CALCRL: variants seen among roughly 807,000 people sequenced by gnomAD.
CALCRL encodes calcitonin gene-related peptide type 1 receptor.
CALCRL carries 27 observed loss-of-function variants against 60.4 expected under a neutral mutation model. That is an observed-to-expected ratio of 0.45 (90% confidence interval 0.33 to 0.62). The LOEUF (loss-of-function observed/expected upper bound fraction) is 0.62, where lower values mean the gene tolerates loss of function less well. Ranked by LOEUF, CALCRL falls within the 20% of genes least tolerant of loss-of-function variation. The pLI, the probability that CALCRL is intolerant of heterozygous loss-of-function variation, is 0.03. For missense variants in CALCRL, 424 were observed against 540.7 expected, an observed-to-expected ratio of 0.78 and a Z score of 2.14; for synonymous variants, 190 against 182.6, an observed-to-expected ratio of 1.04 and a Z score of -0.33.
At chr2:187,417,330 A>G (rs1323450620) in intron 1 of CALCRL, among the ~76,000 whole-genome samples, 1 of 152,120 alleles carries the variant, frequency 6.6e-6, no homozygotes, top group East Asian at 1.9e-4. Context: ...AAGAAATACT[A>G]AAAGCATCAA....
chr2:187,343,608 G>T lies in CALCRL; in HGVS notation c.*2576C>A, dbSNP rs1686168461. On this transcript the variant is annotated 3_prime_UTR_variant, in exon 15 of 15. Coordinates refer to ENST00000392370, the MANE Select transcript of CALCRL (RefSeq NM_005795.6). ...GGAAATTAACTTTAGGAAATAAAAT[G>T]ACAAATTAGAATTTAGAAAATTAAA... 6.6e-6 allele frequency: 1 copy of T among 151,668 alleles called. No individual in the cohort carries two copies. Among genetic ancestry groups the T allele is most frequent in the Non-Finnish European group, 1.5e-5 (1 of 67,518 alleles). 9.4% of individuals were successfully genotyped at this position (151,668 alleles called of 1,614,324 possible).
In CALCRL at chr2:187,359,080, T is replaced by C. The variant is rs1469505838; in HGVS notation, c.892A>G (p.Ile298Val). 3.1e-6 allele frequency: 5 copies of C among 1,612,488 alleles called. No homozygotes were observed. The highest frequency in any genetic ancestry group is 1.3e-5 in the African/African-American group (1 of 74,818). The change falls in exon 12 of 15, where the codon ATT becomes GTT. Residue 298 changes from isoleucine to valine, a missense_variant. Ile to Val is a conservative substitution (Grantham distance 29). Around this residue, in one of 7 missense-constraint regions of CALCRL, gnomAD observed 222 missense variants for 265.6 expected, o/e 0.84. Coordinates refer to ENST00000392370, the MANE Select transcript of CALCRL (RefSeq NM_005795.6). ...TTACATACCAGTAAAGCAGCACAAA[T>C]TGGGCCATGGATAATGTAGAGGAGA... The part of the protein sequence containing the change: ...THLLYIIHGP[I>V]CAALLVNLFF...
intron 1 of CALCRL, among the ~76,000 whole-genome samples, chr2:187,411,847 T>G (rs1239104612): frequency 6.6e-6 from 1 of 151,426 alleles, no homozygotes; most frequent in African/African-American, 2.4e-5. Context: ...ATACAAAAAA[T>G]TAGCCAGGCG....
intron 1 of CALCRL, among the ~76,000 whole-genome samples, chr2:187,443,020 G>T (rs1355521): frequency 6.6e-6 from 1 of 151,456 alleles, no homozygotes; most frequent in African/African-American, 2.4e-5. Flanking sequence ...GTAAAGAAAC[G>T]CAATAATTTT....
intron 14 of CALCRL, among the ~76,000 whole-genome samples, chr2:187,348,211 T>C (rs2105685349): frequency 6.6e-6 from 1 of 151,820 alleles, no homozygotes; most frequent in Admixed American, 6.6e-5. Flanking sequence ...CTCAAGATCA[T>C]GAGCAAACTA....
chr2:187,354,030 T>G (rs181235061), intron 12 of CALCRL, among the ~76,000 whole-genome samples: 11 of 152,030 alleles, frequency 7.2e-5, no homozygotes, highest in Non-Finnish European at 1.6e-4. Context: ...AACATAGTTT[T>G]GAGAATTATA....
At chr2:187,386,700 A>AAAATATAATATTCATT (rs1688218212) in intron 3 of CALCRL, among the ~76,000 whole-genome samples, 3 of 151,814 alleles carry the variant, frequency 2.0e-5, no homozygotes, top group Non-Finnish European at 2.9e-5. Flanking sequence ...GGATGTAGCC[A>AAAATATAATATTCATT]TAACTAAATG....
At chr2:187,398,547 T>G (rs930445190) in intron 1 of CALCRL, among the ~76,000 whole-genome samples, 3 of 151,540 alleles carry the variant, frequency 2.0e-5, no homozygotes, top group African/African-American at 7.3e-5. Flanking sequence ...AAATGAACCT[T>G]TTTCCCTATA....
chr2:187,350,650 T>A (rs1686489707), intron 14 of CALCRL, among the ~76,000 whole-genome samples: 1 of 151,656 alleles, frequency 6.6e-6, no homozygotes, highest in Non-Finnish European at 1.5e-5. Context: ...TGAGTTTTAT[T>A]ATATGTCAAG....
chr2:187,379,580 A>G (rs997539997), intron 7 of CALCRL, among the ~76,000 whole-genome samples: 16 of 152,044 alleles, frequency 1.1e-4, no homozygotes, highest in Middle Eastern at 3.4e-3. Context: ...TCTGCATTCC[A>G]TTTATTTGTA....
intron 8 of CALCRL, among the ~76,000 whole-genome samples, chr2:187,375,966 TTA>T (rs1482792888): frequency 6.6e-6 from 1 of 152,204 alleles, no homozygotes; most frequent in Non-Finnish European, 1.5e-5. Context: ...GAAATACAGT[TTA>T]TGTGTGTAGA....
At chr2:187,403,083 C>A (rs1478999136) in intron 1 of CALCRL, among the ~76,000 whole-genome samples, 2 of 151,668 alleles carry the variant, frequency 1.3e-5, no homozygotes, top group Non-Finnish European at 2.9e-5. Flanking sequence ...TAATTTCAGA[C>A]TTCCATGCTC....
At position 187,380,251 on chromosome 2, in the gene CALCRL, C is replaced by G. The variant is rs1309085333; in HGVS notation, c.408+216G>C. ...CTGAAACATTGACTTGTAAATTACA[C>G]TATTACCTAAAAGGATTGCTTTTTC... On this transcript the variant is annotated intron_variant, in intron 7 of 14. Transcript: ENST00000392370. 2.0e-5 allele frequency among the ~76,000 whole-genome samples: 3 copies of G among 152,154 alleles called. No individual in the cohort carries two copies. In the East Asian group the frequency reaches 5.8e-4, roughly 29 times the overall value.
At chr2:187,389,628 G>A (rs1050593410) in intron 1 of CALCRL, among the ~76,000 whole-genome samples, 29 of 151,864 alleles carry the variant, frequency 1.9e-4, no homozygotes, top group African/African-American at 6.3e-4. Flanking sequence ...TTTAATATTT[G>A]GTCATAATTT....
In CALCRL at chr2:187,346,340, A is replaced by C; in HGVS notation, c.1230T>G (p.Phe410Leu). 1 of 1,612,504 alleles carries C rather than the reference A, an allele frequency of 6.2e-7. No homozygotes were observed. Among genetic ancestry groups the C allele is most frequent in the Non-Finnish European group, 8.5e-7 (1 of 1,179,028 alleles). The change falls in exon 15 of 15, where the codon TTT (phenylalanine) becomes TTG (leucine). Residue 410 changes from phenylalanine to leucine, a missense_variant. Transcript: ENST00000392370. ...NQYKIQFGNS[F>L]SNSEALRSAS... ...CACTACGAAGAGCTTCTGAGTTGGAAAAGCTGTTTCCAAATTGGATTTTGT... is the reference window on the plus strand; with the variant it reads ...CACTACGAAGAGCTTCTGAGTTGGACAAGCTGTTTCCAAATTGGATTTTGT...
chr2:187,428,047 C>A (rs770578630), intron 1 of CALCRL, among the ~76,000 whole-genome samples: 14 of 152,080 alleles, frequency 9.2e-5, no homozygotes, highest in Non-Finnish European at 1.6e-4. Context: ...CAAAGCAGAA[C>A]AACTATATAC....
At chr2:187,417,062 G>C (rs1208447713) in intron 1 of CALCRL, among the ~76,000 whole-genome samples, 1 of 151,900 alleles carries the variant, frequency 6.6e-6, no homozygotes, top group African/African-American at 2.4e-5. Flanking sequence ...GAATAATGAG[G>C]GTGAAGCTCT....
At chr2:187,364,418 C>T (rs528872023) in intron 8 of CALCRL, among the ~76,000 whole-genome samples, 1 of 151,770 alleles carries the variant, frequency 6.6e-6, no homozygotes, top group African/African-American at 2.4e-5. Context: ...TGAAGGAAGA[C>T]CTGAGGAATT....
chr2:187,363,567 A>G, intron 8 of CALCRL, 65 bp from the exon 9 acceptor site: 1 of 1,428,920 alleles, frequency 7.0e-7, no homozygotes. Flanking sequence ...CATTATTCAA[A>G]TAAGATACAT....
Sources: allele counts gnomAD v4.1 joint callset (sites outside exome capture counted in the v4.1 genomes callset), GRCh38; gene constraint gnomAD v4.1.1; regional missense constraint gnomAD v4.1.1; transcripts MANE v1.5; gene names NCBI Gene and HGNC (gene_info 2026-07-23, HGNC 2026-07-21).